Variants in TRMT1L observed in about 807,000 individuals in gnomAD.
TRMT1L encodes the protein tRNA (guanine(27)-N(2))-dimethyltransferase.
In TRMT1L, 28 loss-of-function variants were observed where a neutral mutation model predicts 81.6. That is an observed-to-expected ratio of 0.34 (90% CI 0.25 to 0.47). TRMT1L has a LOEUF of 0.47. Ranked by LOEUF, TRMT1L falls within the 20% of genes least tolerant of loss-of-function variation. The pLI, the probability that TRMT1L is intolerant of heterozygous loss-of-function variation, is 1.00. For synonymous variants in TRMT1L, 301 were observed against 303.2 expected (o/e 0.99, Z 0.07); for missense variants, 739 against 877.1 (o/e 0.84, Z 1.99).
chr1:185,152,268 A>G (rs1329933770), intron 1 of TRMT1L, among the ~76,000 whole-genome samples: 1 of 152,242 alleles, frequency 6.6e-6, no homozygotes, highest in African/African-American at 2.4e-5. Context: ...AGAAGGCAAT[A>G]TGTCAACTTC....
intron 2 of TRMT1L, among the ~76,000 whole-genome samples, 199 bp downstream of exon 2, chr1:185,151,623 TGAG>T (rs1013086964): frequency 5.9e-5 from 9 of 152,180 alleles, no homozygotes; most frequent in African/African-American, 9.7e-5. Flanking sequence ...ATAATTTTCT[TGAG>T]GAGTTGTAAA....
rs189523302 is a variant in TRMT1L at position 185,134,457 on chromosome 1, G to A, written c.1513+3149C>T. Among the ~76,000 whole-genome samples, 72 of 152,316 alleles carry A rather than the reference G, an allele frequency of 4.7e-4. 1 individual carries two copies. The highest frequency in any genetic ancestry group is 1.7e-3 in the African/African-American group (70 of 41,564). On this transcript the variant is annotated intron_variant, in intron 10 of 14. Transcript: ENST00000367506. ...CCGCCTCAGCCTCCCAAACTGTTGG[G>A]ATTACAGGCGTGAGCCACCGTGCCC... is the stretch of plus-strand genomic sequence containing the variant.
At position 185,139,534 on chromosome 1, in the gene TRMT1L, T is replaced by C. The variant is rs200054741; in HGVS notation, c.1155A>G (p.Ala385=). ...TGCCAAGGTTTCTTATATTTCTGAATGCAGAATCTAGATAATTCACTGATG... is the reference window on the plus strand; with the variant it reads ...TGCCAAGGTTTCTTATATTTCTGAACGCAGAATCTAGATAATTCACTGATG... ...FGTSVNYLDS[A]FRNIRNLGIV... is the part of the protein sequence containing the mutation. The change falls in exon 9 of 15, where the codon GCA becomes GCG. Residue 385 remains alanine, a synonymous_variant. Coordinates refer to ENST00000367506, the MANE Select transcript of TRMT1L (RefSeq NM_030934.5). 1,035 of 1,613,664 alleles carry C rather than the reference T, an allele frequency of 6.4e-4. 2 individuals are homozygous for C. The highest frequency in any genetic ancestry group is 8.1e-4 in the Non-Finnish European group (961 of 1,179,962).
At chr1:185,145,675 A>C in intron 4 of TRMT1L, 107 bp from the exon 5 acceptor site, 2 of 1,076,698 alleles carry the variant, frequency 1.9e-6, no homozygotes, top group Non-Finnish European at 2.6e-6. Flanking sequence ...GGTATAGAAG[A>C]TAATTTTAAT....
chr1:185,139,455 C>T lies in TRMT1L; in HGVS notation c.1234G>A (p.Val412Ile). 6.2e-7 allele frequency: 1 copy of T among 1,614,150 alleles called. No individual in the cohort carries two copies. The highest frequency in any genetic ancestry group is 2.2e-5 in the East Asian group (1 of 44,866). Residue 412 changes from valine to isoleucine, a missense_variant, in exon 9 of 15, where the codon GTT (valine) becomes ATT (isoleucine). Val to Ile is a conservative substitution (Grantham distance 29). Around this residue, in one of 4 missense-constraint regions of TRMT1L, gnomAD observed 331 missense variants for 462.2 expected, o/e 0.72. Transcript: ENST00000367506. ...ISSLYAKAQH[V>I]ARRHYGCNIV... The stretch of plus-strand genomic sequence containing the variant: ...TTACATCCGTAGTGACGCCGGGCAA[C>T]ATGCTGTGCCTTGGCATATAAAGAA...
At position 185,156,837 on chromosome 1, in the gene TRMT1L, G is replaced by C. The variant is rs1385158524; in HGVS notation, c.-125C>G. 2 of 1,320,610 alleles carry C rather than the reference G, an allele frequency of 1.5e-6. No homozygotes were observed. The highest frequency in any genetic ancestry group is 2.0e-6 in the Non-Finnish European group (2 of 976,650). The allele number at this position is 1,320,610 out of a possible 1,614,324, so 81.8% of individuals were successfully genotyped here. A position where few individuals can be genotyped will look rare whatever the true frequency, so the allele number is the denominator to read the frequency against. On this transcript the variant is annotated 5_prime_UTR_variant, in exon 1 of 15. The change creates a new upstream start codon in the 5' untranslated region. Transcript: ENST00000367506. ...GTGGGGAAGCAAGTGGGGAGGGCGGGATGCGTGCAACAGACAAAAGATGAA... is the reference window on the plus strand; with the variant it reads ...GTGGGGAAGCAAGTGGGGAGGGCGGCATGCGTGCAACAGACAAAAGATGAA...
intron 1 of TRMT1L, among the ~76,000 whole-genome samples, chr1:185,154,829 CT>C (rs1458205826): frequency 6.6e-6 from 1 of 152,206 alleles, no homozygotes; most frequent in Non-Finnish European, 1.5e-5. Context: ...AATACTCAAT[CT>C]GCTTTTTGTA....
At position 185,120,052 on chromosome 1, in the gene TRMT1L, G is replaced by A; in HGVS notation, c.2169C>T (p.Asp723=). Residue 723 remains aspartate (D), a synonymous_variant, in exon 15 of 15, where the codon GAC becomes GAT. Coordinates refer to ENST00000367506, the MANE Select transcript of TRMT1L (RefSeq NM_030934.5). Reference sequence around the variant, plus strand: ...TTCTGCAGCCACTTGCTTCTGCTTTGTCATTCACTGACATTTCAACTCTTT... The same window carrying A: ...TTCTGCAGCCACTTGCTTCTGCTTTATCATTCACTGACATTTCAACTCTTT... ...VTERVEMSVN[D]KAEASGCRRW 6.2e-7 allele frequency: 1 copy of A among 1,613,838 alleles called. No individual in the cohort carries two copies. The highest frequency in any genetic ancestry group is 8.5e-7 in the Non-Finnish European group (1 of 1,179,886).
At position 185,151,855 on chromosome 1, in the gene TRMT1L, T is replaced by C. The variant is rs1365081992; in HGVS notation, c.316A>G (p.Ser106Gly). 1 of 1,600,790 alleles carries C rather than the reference T, an allele frequency of 6.2e-7. No individual in the cohort carries two copies. The highest frequency in any genetic ancestry group is 1.1e-5 in the South Asian group (1 of 88,828). ...FVTDGNFDSASSLNSDNLDAG... is the reference protein window; with the variant it reads ...FVTDGNFDSAGSLNSDNLDAG... Reference sequence around the variant, plus strand: ...TCAAGATTATCTGAGTTCAATGAGCTGGCAGAGTCAAAATTTCCATCAGTT... The same window carrying C: ...TCAAGATTATCTGAGTTCAATGAGCCGGCAGAGTCAAAATTTCCATCAGTT... The change falls in exon 2 of 15, where the codon AGC becomes GGC. Residue 106 changes from serine to glycine, a missense_variant. Transcript: ENST00000367506.
At position 185,137,653 on chromosome 1, in the gene TRMT1L, T is replaced by C. The variant is rs769252308; in HGVS notation, c.1466A>G (p.Gln489Arg). 4.3e-6 allele frequency: 7 copies of C among 1,614,036 alleles called. No individual in the cohort carries two copies. The highest frequency in any genetic ancestry group is 1.1e-5 in the South Asian group (1 of 91,086). The change falls in exon 10 of 15, where the codon CAG (glutamine) becomes CGG (arginine). Residue 489 changes from glutamine (Q) to arginine (R), a missense_variant. Physicochemically the swap from Gln to Arg is conservative, Grantham distance 43 (BLOSUM62 1). Transcript: ENST00000367506. ...CTGAAAAATTCTCTCTTCACACCAC[T>C]GACAATGGATCAGGTATTGAATCTT... ...AKKIQYLIHC[Q>R]WCEERIFQKD... is the part of the protein sequence containing the mutation.
chr1:185,133,689 C>T (rs902287356), intron 10 of TRMT1L, among the ~76,000 whole-genome samples: 3 of 150,802 alleles, frequency 2.0e-5, no homozygotes, highest in African/African-American at 4.9e-5. Context: ...CCTTGAACTA[C>T]TGGGTTCAAG....
intron 4 of TRMT1L, among the ~76,000 whole-genome samples, chr1:185,145,815 G>A (rs920686810): frequency 6.6e-6 from 1 of 151,878 alleles, no homozygotes; most frequent in African/African-American, 2.4e-5. Context: ...GAAAATAATT[G>A]TATTTTCTAT....
intron 10 of TRMT1L, among the ~76,000 whole-genome samples, chr1:185,136,084 G>A (rs1297793475): frequency 6.6e-6 from 1 of 152,148 alleles, no homozygotes; most frequent in East Asian, 1.9e-4. Context: ...GATATGTATT[G>A]TAGATGAAAA....
At chr1:185,129,089 A>C (rs1218834589) in intron 10 of TRMT1L, among the ~76,000 whole-genome samples, 1 of 152,176 alleles carries the variant, frequency 6.6e-6, no homozygotes, top group African/African-American at 2.4e-5. Context: ...TAGAGGTGTA[A>C]CTGATATTTA....
intron 10 of TRMT1L, 104 bp downstream of exon 10, chr1:185,137,502 G>A (rs1379736341): frequency 1.7e-6 from 2 of 1,182,844 alleles, no homozygotes; most frequent in Non-Finnish European, 2.5e-6. Flanking sequence ...AGTTAGCACT[G>A]TAATCTTTAA....
At chr1:185,134,691 T>C (rs1430459399) in intron 10 of TRMT1L, among the ~76,000 whole-genome samples, 1 of 152,260 alleles carries the variant, frequency 6.6e-6, no homozygotes, top group African/African-American at 2.4e-5. Context: ...AGAAAAATTA[T>C]AAGAACTTCT....
At chr1:185,148,862 T>C (rs1442636990) in intron 3 of TRMT1L, among the ~76,000 whole-genome samples, 1 of 152,192 alleles carries the variant, frequency 6.6e-6, no homozygotes, top group Non-Finnish European at 1.5e-5. Flanking sequence ...GTAGTACTAC[T>C]AAGAAAATAG....
At chr1:185,144,377 G>A (rs1653130058) in intron 5 of TRMT1L, among the ~76,000 whole-genome samples, 1 of 151,924 alleles carries the variant, frequency 6.6e-6, no homozygotes, top group Admixed American at 6.6e-5. Flanking sequence ...ATACCTTTGT[G>A]GTTCATCAAA....
chr1:185,120,659 G>T (rs189409291), intron 13 of TRMT1L, 150 bp from the exon 14 acceptor site: 5 of 682,796 alleles, frequency 7.3e-6, no homozygotes, highest in Middle Eastern at 5.0e-4. Flanking sequence ...CTATTTTCAC[G>T]GTCCTTCACT....
Sources: gnomAD v4.1 joint callset for allele counts (sites outside exome capture counted in the v4.1 genomes callset) on GRCh38, gnomAD v4.1.1 for gene constraint, gnomAD v4.1.1 regional missense constraint, MANE v1.5 for transcripts, NCBI Gene and HGNC (gene_info 2026-07-23, HGNC 2026-07-21) for gene names.